Variants in COL14A1 observed in about 807,000 individuals in gnomAD.
COL14A1 encodes collagen type XIV alpha 1 chain.
A neutral mutation model predicts 230.3 loss-of-function variants in COL14A1; 136 were observed. The observed-to-expected ratio is 0.59, with a 90% CI of 0.51 to 0.68. The LOEUF (loss-of-function observed/expected upper bound fraction) is 0.68, where lower values mean the gene tolerates loss of function less well. Ranked by LOEUF, COL14A1 falls within the 30% of genes least tolerant of loss-of-function variation. The pLI is 0.00. For synonymous variants in COL14A1, 792 were observed against 784.1 expected, an observed-to-expected ratio of 1.01 and a Z score of -0.17; for missense variants, 1,976 against 2,215.8, an observed-to-expected ratio of 0.89 and a Z score of 2.17.
chr8:120,209,814 A>C lies in COL14A1; in HGVS notation c.1380A>C (p.Arg460=), dbSNP rs192771344. The C allele has an allele frequency of 6.2e-7, 1 of 1,613,916 alleles. No individual in the cohort carries two copies. Among genetic ancestry groups the C allele is most frequent in the East Asian group, 2.2e-5 (1 of 44,866 alleles). The change falls in exon 12 of 48, where the codon CGA becomes CGC. Residue 460 remains arginine, a synonymous_variant. Transcript: ENST00000297848. ...LLYDVTENSM[R]VKWDAVPGAS... ...ACGACGTGACTGAGAACAGCATGCG[A>C]GTCAAATGGGATGCAGTGCCTGGGG...
chr8:120,354,393 A>T (rs1464748920), intron 45 of COL14A1, among the ~76,000 whole-genome samples: 2 of 31,048 alleles, frequency 6.4e-5, no homozygotes, highest in South Asian at 8.6e-4. Flanking sequence ...AAGTATAATT[A>T]AAAAAAAAAA....
chr8:120,343,365 G>A (rs1822381258), intron 44 of COL14A1, among the ~76,000 whole-genome samples: 1 of 152,246 alleles, frequency 6.6e-6, no homozygotes, highest in Admixed American at 6.5e-5. Context: ...TACCCAGGTG[G>A]GTACCTCATT....
intron 40 of COL14A1, among the ~76,000 whole-genome samples, chr8:120,322,565 G>A (rs914382529): frequency 1.3e-5 from 2 of 152,046 alleles, no homozygotes; most frequent in Non-Finnish European, 2.9e-5. Context: ...CCCACTGATA[G>A]GCCCCAGTAT....
chr8:120,366,162 T>A (rs1047539171), intron 45 of COL14A1, among the ~76,000 whole-genome samples: 1 of 152,254 alleles, frequency 6.6e-6, no homozygotes, highest in East Asian at 1.9e-4. Flanking sequence ...TCTTGCTTGT[T>A]ACATCTAATT....
intron 36 of COL14A1, among the ~76,000 whole-genome samples, chr8:120,304,691 A>G (rs1398777756): frequency 6.6e-6 from 1 of 152,066 alleles, no homozygotes; most frequent in Non-Finnish European, 1.5e-5. Context: ...TAATTTTCTA[A>G]TTTGTCTAAC....
intron 5 of COL14A1, among the ~76,000 whole-genome samples, chr8:120,188,104 A>G (rs777662568): frequency 6.8e-6 from 1 of 146,878 alleles, no homozygotes; most frequent in Non-Finnish European, 1.5e-5. Flanking sequence ...TTTTTTTGAG[A>G]TGGCGTCTCG....
chr8:120,154,328 T>A (rs148214072), intron 2 of COL14A1, among the ~76,000 whole-genome samples: 21 of 152,280 alleles, frequency 1.4e-4, no homozygotes, highest in Non-Finnish European at 2.8e-4. Context: ...TTCAATGACA[T>A]GACATAAACA....
At chr8:120,342,264 A>C (rs1232343945) in intron 43 of COL14A1, 116 bp from the exon 44 acceptor site, 2 of 990,652 alleles carry the variant, frequency 2.0e-6, no homozygotes, top group Non-Finnish European at 1.6e-6. Flanking sequence ...ACCTGTTGCT[A>C]GGGGCCAAAG....
chr8:120,321,064 T>C (rs1369691426), intron 40 of COL14A1, among the ~76,000 whole-genome samples: 1 of 152,164 alleles, frequency 6.6e-6, no homozygotes, highest in East Asian at 1.9e-4. Context: ...CAAAATTATA[T>C]TAGTAAAGAT....
intron 34 of COL14A1, among the ~76,000 whole-genome samples, chr8:120,295,027 A>G (rs1218380878): frequency 6.6e-6 from 1 of 151,832 alleles, no homozygotes; most frequent in Non-Finnish European, 1.5e-5. Context: ...GTTTATTTGA[A>G]AAACTTCAAG....
intron 15 of COL14A1, 51 bp downstream of exon 15, chr8:120,225,265 A>T: frequency 6.5e-7 from 1 of 1,549,334 alleles, no homozygotes; most frequent in Non-Finnish European, 8.7e-7. Flanking sequence ...CTATTAATAT[A>T]TAGAAACCAG....
intron 39 of COL14A1, among the ~76,000 whole-genome samples, 157 bp from the exon 40 acceptor site, chr8:120,315,787 G>T (rs1406679211): frequency 6.6e-6 from 1 of 152,202 alleles, no homozygotes; most frequent in Non-Finnish European, 1.5e-5. Flanking sequence ...AACATTCTTT[G>T]CCCATGAATA....
chr8:120,226,755 A>C lies in COL14A1; in HGVS notation c.1993A>C (p.Lys665Gln). The change falls in exon 16 of 48, where the codon AAG becomes CAG. Residue 665 changes from lysine (K) to glutamine (Q), a missense_variant. Coordinates refer to ENST00000297848, the MANE Select transcript of COL14A1 (RefSeq NM_021110.4). ...KLMWIPVYGG[K>Q]TEEVVLKEEQ... is the part of the protein sequence containing the mutation. The stretch of plus-strand genomic sequence containing the variant: ...GATGTGGATTCCAGTCTATGGGGGG[A>C]AGACTGAGGAGGTGAGTTTTCTGAA... The C allele has an allele frequency of 6.2e-7, 1 of 1,613,104 alleles. No individual in the cohort carries two copies. Among genetic ancestry groups the C allele is most frequent in the Non-Finnish European group, 8.5e-7 (1 of 1,179,434 alleles).
At chr8:120,364,950 T>C (rs1823357161) in intron 45 of COL14A1, among the ~76,000 whole-genome samples, 1 of 151,918 alleles carries the variant, frequency 6.6e-6, no homozygotes, top group South Asian at 2.1e-4. Flanking sequence ...TGTTAATATA[T>C]AATTGTGTCT....
chr8:120,353,896 T>C (rs1822870322), intron 45 of COL14A1, among the ~76,000 whole-genome samples: 1 of 151,254 alleles, frequency 6.6e-6, no homozygotes, highest in Non-Finnish European at 1.5e-5. Flanking sequence ...ACTGGGTATA[T>C]ACCCAAAGGA....
chr8:120,198,119 ACT>A, intron 7 of COL14A1, among the ~76,000 whole-genome samples, 189 bp downstream of exon 7: 1 of 152,166 alleles, frequency 6.6e-6, no homozygotes, highest in Non-Finnish European at 1.5e-5. Flanking sequence ...TTACTCTATG[ACT>A]ATAATGTCCC....
At chr8:120,192,142 A>G (rs897350421) in intron 5 of COL14A1, among the ~76,000 whole-genome samples, 4 of 152,270 alleles carry the variant, frequency 2.6e-5, no homozygotes, top group East Asian at 3.9e-4. Context: ...TCTTAGTCTC[A>G]ATGGTCTTTA....
intron 40 of COL14A1, among the ~76,000 whole-genome samples, chr8:120,323,109 C>G (rs544464396): frequency 6.6e-5 from 10 of 152,278 alleles, no homozygotes; most frequent in African/African-American, 2.4e-4. Context: ...AATAGGCATT[C>G]TGACTGGTGT....
Position 120,158,143 on chromosome 8 carries a change from A to G in COL14A1, c.102A>G (p.Thr34=). The change falls in exon 3 of 48, where the codon ACA becomes ACG. Residue 34 remains threonine, a synonymous_variant. Coordinates refer to ENST00000297848, the MANE Select transcript of COL14A1 (RefSeq NM_021110.4). Reference sequence around the variant, plus strand: ...CTTCCTTTTCAGTGGCTCCACCCACAAGGTTAAGATATAATGTAATATCTC... The same window carrying G: ...CTTCCTTTTCAGTGGCTCCACCCACGAGGTTAAGATATAATGTAATATCTC... The part of the protein sequence containing the change: ...TIVQGQVAPP[T]RLRYNVISHD... 6.4e-7 allele frequency: 1 copy of G among 1,573,094 alleles called. No homozygotes were observed. The highest frequency in any genetic ancestry group is 8.6e-7 in the Non-Finnish European group (1 of 1,156,328).
Sources: gnomAD v4.1 joint callset for allele counts (sites outside exome capture counted in the v4.1 genomes callset) on GRCh38, gnomAD v4.1.1 for gene constraint, MANE v1.5 for transcripts, NCBI Gene and HGNC (gene_info 2026-07-23, HGNC 2026-07-21) for gene names.